The following SNX30 variants were observed in gnomAD, a reference collection of about 807,000 sequenced individuals.
SNX30 encodes sorting nexin-30.
In SNX30, 24 loss-of-function variants were observed where a neutral mutation model predicts 46.4. The observed-to-expected ratio is 0.52, with a 90% CI of 0.37 to 0.73. SNX30 has a LOEUF of 0.73. Ranked by LOEUF, SNX30 falls within the 30% of genes least tolerant of loss-of-function variation. The probability of loss-of-function intolerance (pLI) is 0.00; values close to 1 mark genes in which losing one functional copy is unlikely to be tolerated. For missense variants in SNX30, 533 were observed against 555.7 expected (o/e 0.96, Z 0.41); for synonymous variants, 189 against 211.5 (o/e 0.89, Z 0.92).
Position 112,850,917 on chromosome 9 carries a change from TG to T in SNX30, c.1075del (p.Ala359LeufsTer28). The T allele has an allele frequency of 6.2e-7, 1 of 1,614,016 alleles. No individual in the cohort carries two copies. Among genetic ancestry groups the T allele is most frequent in the Admixed American group, 1.7e-5 (1 of 60,022 alleles). On this transcript the variant is annotated frameshift_variant, in exon 7 of 9. Transcript: ENST00000374232. LOFTEE classifies it high-confidence loss of function. The stretch of plus-strand genomic sequence containing the variant: ...GAGTATGAAGCCAAACTGGAAGCTG[TG>T]GCTCTGCGGAAGGAAGACCGCCCCA... Reference protein sequence around the residue: ...QAEYEAKLEAVALRKEDRPKV... With the variant: ...QAEYEAKLEAXALRKEDRPKV...
chr9:112,865,136 A>C, intron 8 of SNX30, among the ~76,000 whole-genome samples: 1 of 80,304 alleles, frequency 1.2e-5, no homozygotes, highest in Admixed American at 1.9e-4. Flanking sequence ...CCCCCTACAC[A>C]TACACCCCAC....
At chr9:112,806,382 C>G (rs1459663913) in intron 2 of SNX30, among the ~76,000 whole-genome samples, 1 of 152,058 alleles carries the variant, frequency 6.6e-6, no homozygotes, top group African/African-American at 2.4e-5. Context: ...TTTCTTGGTA[C>G]CCCACCCCCA....
chr9:112,816,810 GT>G lies in SNX30; in HGVS notation c.349-894del, dbSNP rs373421927. On this transcript the variant is annotated intron_variant, in intron 2 of 8. Coordinates refer to ENST00000374232, the MANE Select transcript of SNX30 (RefSeq NM_001012994.2). ...ACTTTAATTTCTGAGAACCATGACA[GT>G]CATATAGTGTGTATCCTCATAGGGA... Among the ~76,000 whole-genome samples, 88 of 152,286 alleles carry G rather than the reference GT, an allele frequency of 5.8e-4. No homozygotes were observed. The East Asian group carries it at 0.016, about 28-fold the overall frequency.
chr9:112,864,296 C>G lies in SNX30; in HGVS notation c.1151C>G (p.Ala384Gly). The G allele has an allele frequency of 6.2e-7, 1 of 1,614,182 alleles. No homozygotes were observed. The highest frequency in any genetic ancestry group is 8.5e-7 in the Non-Finnish European group (1 of 1,180,030). The change falls in exon 8 of 9, where the codon GCT becomes GGT. Residue 384 changes from alanine (A) to glycine (G), a missense_variant. By Grantham distance (60) the Ala-to-Gly change is moderately conservative. Transcript: ENST00000374232. ...KCQDRMECFN[A>G]DLKADMERWQ... ...CAGGATCGGATGGAGTGTTTCAATGCTGACCTGAAAGCTGACATGGAGAGG... is the reference window on the plus strand; with the variant it reads ...CAGGATCGGATGGAGTGTTTCAATGGTGACCTGAAAGCTGACATGGAGAGG...
At position 112,868,775 on chromosome 9, in the gene SNX30, T is replaced by G. The variant is rs1213942616; in HGVS notation, c.1255-9T>G. 2.5e-6 allele frequency: 4 copies of G among 1,613,916 alleles called. No individual in the cohort carries two copies. Among genetic ancestry groups the G allele is most frequent in the Non-Finnish European group, 3.4e-6 (4 of 1,179,898 alleles). ...AAGCTGATACTGTGTGTGTATGTTG[T>G]CGTTCCAGTGCCTCATGGCGTGGGA... On this transcript the variant is annotated splice_polypyrimidine_tract_variant and intron_variant, in intron 8 of 8. Coordinates refer to ENST00000374232, the MANE Select transcript of SNX30 (RefSeq NM_001012994.2).
intron 7 of SNX30, among the ~76,000 whole-genome samples, chr9:112,863,948 A>G (rs528780387): frequency 4.6e-5 from 7 of 152,354 alleles, no homozygotes; most frequent in Non-Finnish European, 8.8e-5. Flanking sequence ...CCAAAGACAT[A>G]TGAGTCTGAA....
intron 1 of SNX30, among the ~76,000 whole-genome samples, chr9:112,768,647 C>CTTTTT (rs58983756): frequency 1.6e-5 from 1 of 64,360 alleles, no homozygotes; most frequent in Non-Finnish European, 3.3e-5. Context: ...ATTCTTTCTT[C>CTTTTT]TTTTTTTTTT....
upstream of SNX30, among the ~76,000 whole-genome samples, chr9:112,750,619 C>T (rs1839247957): frequency 1.3e-5 from 2 of 151,980 alleles, no homozygotes; most frequent in African/African-American, 4.8e-5. Context: ...GGGGGCGGGG[C>T]CGCGCCTCCT....
At chr9:112,813,334 G>A (rs1020569236) in intron 2 of SNX30, among the ~76,000 whole-genome samples, 1 of 151,904 alleles carries the variant, frequency 6.6e-6, no homozygotes, top group Admixed American at 6.6e-5. Context: ...CCAAAAATCA[G>A]CCAGATATGG....
chr9:112,785,308 T>C (rs564720275), intron 1 of SNX30, among the ~76,000 whole-genome samples: 1 of 151,786 alleles, frequency 6.6e-6, no homozygotes, highest in South Asian at 2.1e-4. Flanking sequence ...CTCGACCTCC[T>C]GGGCTTAAGC....
intron 5 of SNX30, among the ~76,000 whole-genome samples, chr9:112,836,944 C>T (rs1440417068): frequency 6.6e-6 from 1 of 152,174 alleles, no homozygotes; most frequent in Non-Finnish European, 1.5e-5. Context: ...TCGTTTTTGC[C>T]TCCACTTCCT....
chr9:112,883,424 C>A (rs2131541521), downstream of SNX30, among the ~76,000 whole-genome samples: 1 of 152,108 alleles, frequency 6.6e-6, no homozygotes, highest in South Asian at 2.1e-4. Flanking sequence ...AGCTGTGTAC[C>A]CTTTGGCAAG....
At chr9:112,883,669 T>TTCTC (rs1403255495), downstream of SNX30, among the ~76,000 whole-genome samples, 1 of 150,934 alleles carries the variant, frequency 6.6e-6, no homozygotes, top group East Asian at 2.0e-4. Flanking sequence ...ATAGCTTGGC[T>TTCTC]TCTCTTTTCT....
chr9:112,830,253 A>C (rs1243097062), intron 3 of SNX30, among the ~76,000 whole-genome samples: 1 of 152,146 alleles, frequency 6.6e-6, no homozygotes, highest in Non-Finnish European at 1.5e-5. Context: ...TAGATACATG[A>C]ATTTACCTAA....
intron 1 of SNX30, among the ~76,000 whole-genome samples, chr9:112,756,589 T>C (rs1839353582): frequency 6.6e-6 from 1 of 151,976 alleles, no homozygotes; most frequent in African/African-American, 2.4e-5. Flanking sequence ...GCCTCCTGAG[T>C]AGCTGGGACT....
chr9:112,846,429 C>T (rs1266704030), intron 6 of SNX30, among the ~76,000 whole-genome samples: 2 of 152,118 alleles, frequency 1.3e-5, no homozygotes, highest in Non-Finnish European at 2.9e-5. Flanking sequence ...GTCCTGGTTT[C>T]CATAGAATGA....
intron 1 of SNX30, among the ~76,000 whole-genome samples, chr9:112,777,600 A>ATTTTTTTT (rs55784760): frequency 1.5e-4 from 11 of 75,598 alleles, no homozygotes; most frequent in African/African-American, 3.9e-4. Context: ...CTAGTTTTTA[A>ATTTTTTTT]TTTTTTTTTT....
At chr9:112,856,333 G>T (rs889803477) in intron 7 of SNX30, among the ~76,000 whole-genome samples, 4 of 149,392 alleles carry the variant, frequency 2.7e-5, no homozygotes, top group African/African-American at 7.4e-5. Flanking sequence ...GTGTGTGGGG[G>T]GTGGGTGTGT....
rs545908869 is a variant in SNX30 at position 112,820,556 on chromosome 9, T to C, written c.459+2741T>C. ...GGATTTATTGAGATTATATAACATA[T>C]AATTCACCCATTTAAAATGTACAAT... On this transcript the variant is annotated intron_variant, in intron 3 of 8. Transcript: ENST00000374232. Among the ~76,000 whole-genome samples, 112 of 152,348 alleles carry C rather than the reference T, an allele frequency of 7.4e-4. 1 individual carries two copies. Among genetic ancestry groups the C allele is most frequent in the African/African-American group, 2.6e-3 (107 of 41,574 alleles).
Sources: allele counts gnomAD v4.1 joint callset (sites outside exome capture counted in the v4.1 genomes callset), GRCh38; gene constraint gnomAD v4.1.1; transcripts MANE v1.5; gene names NCBI Gene and HGNC (gene_info 2026-07-23, HGNC 2026-07-21).